Variants in PARVA observed in about 807,000 individuals in gnomAD.
The protein encoded by PARVA is parvin alpha, also known as alpha-parvin.
Under a neutral mutation model 52.6 loss-of-function variants are expected in PARVA, and 25 were observed. The ratio of observed to expected loss-of-function variants is 0.48; its 90% CI spans 0.35 to 0.66. The LOEUF (loss-of-function observed/expected upper bound fraction) is 0.66, where lower values mean the gene tolerates loss of function less well. Ranked by LOEUF, PARVA falls within the 30% of genes least tolerant of loss-of-function variation. The probability of loss-of-function intolerance (pLI) is 0.01; values close to 1 mark genes in which losing one functional copy is unlikely to be tolerated. For missense variants in PARVA, 373 were observed against 450.9 expected, an observed-to-expected ratio of 0.83 and a Z score of 1.56; for synonymous variants, 185 against 179.1, an observed-to-expected ratio of 1.03 and a Z score of -0.26.
chr11:12,495,151 T>G (rs1283086146), intron 4 of PARVA, among the ~76,000 whole-genome samples: 3 of 152,206 alleles, frequency 2.0e-5, no homozygotes, highest in African/African-American at 7.2e-5. Flanking sequence ...TTAGATTTAT[T>G]CTTGTTAAAT....
rs901008651 is a variant in PARVA at position 12,455,974 on chromosome 11, A to T, written c.137-17771A>T. 3.9e-5 allele frequency among the ~76,000 whole-genome samples: 6 copies of T among 152,174 alleles called. No homozygotes were observed. In the East Asian group the frequency reaches 1.2e-3, roughly 29 times the overall value. ...TCCAAAATGTCCTTCAATGTCATGA[A>T]GCATTGTGTGGGGCTTTTCTAGTCC... On this transcript the variant is annotated intron_variant, in intron 1 of 12. Transcript: ENST00000334956.
At chr11:12,454,100 A>G (rs1412325113) in intron 1 of PARVA, among the ~76,000 whole-genome samples, 1 of 152,222 alleles carries the variant, frequency 6.6e-6, no homozygotes, top group Non-Finnish European at 1.5e-5. Flanking sequence ...AGGGATCCAG[A>G]GGTCACAAGC....
intron 1 of PARVA, among the ~76,000 whole-genome samples, chr11:12,472,628 T>C (rs1005278177): frequency 6.6e-6 from 1 of 152,194 alleles, no homozygotes; most frequent in Non-Finnish European, 1.5e-5. Context: ...TGTAAGTGGC[T>C]GCCTTGTGCT....
At chr11:12,451,275 G>C (rs1385418067) in intron 1 of PARVA, among the ~76,000 whole-genome samples, 1 of 152,158 alleles carries the variant, frequency 6.6e-6, no homozygotes, top group South Asian at 2.1e-4. Context: ...AAAACAAGGA[G>C]AGCATCTCAT....
chr11:12,514,696 A>G (rs1346181320), intron 10 of PARVA, among the ~76,000 whole-genome samples: 1 of 152,186 alleles, frequency 6.6e-6, no homozygotes, highest in Non-Finnish European at 1.5e-5. Flanking sequence ...CATGTTGGTC[A>G]GGCTGGTCTC....
At chr11:12,476,110 G>A (rs572313520) in intron 3 of PARVA, among the ~76,000 whole-genome samples, 1 of 152,238 alleles carries the variant, frequency 6.6e-6, no homozygotes, top group Admixed American at 6.5e-5. Context: ...GGTCAGAATG[G>A]GCTCCAAATG....
intron 12 of PARVA, among the ~76,000 whole-genome samples, chr11:12,526,122 C>T (rs911131302): frequency 1.3e-5 from 2 of 152,136 alleles, no homozygotes; most frequent in African/African-American, 4.8e-5. Flanking sequence ...GTACAATGTG[C>T]AGTACTTGGG....
chr11:12,518,601 A>T, intron 12 of PARVA, 84 bp downstream of exon 12: 1 of 1,015,128 alleles, frequency 9.9e-7, no homozygotes, highest in South Asian at 1.4e-5. Context: ...AGCAGAGGGA[A>T]GCATTTTCTG....
At chr11:12,450,862 A>G (rs1490959062) in intron 1 of PARVA, among the ~76,000 whole-genome samples, 1 of 152,232 alleles carries the variant, frequency 6.6e-6, no homozygotes, top group Non-Finnish European at 1.5e-5. Context: ...ATCTTCTCCT[A>G]CCTGCTTTAT....
At chr11:12,385,142 C>T (rs1243536606) in intron 1 of PARVA, among the ~76,000 whole-genome samples, 1 of 152,046 alleles carries the variant, frequency 6.6e-6, no homozygotes, top group African/African-American at 2.4e-5. Context: ...TCAAGACCAG[C>T]CTGGGCAACA....
At chr11:12,383,063 ATCTT>A (rs1411050558) in intron 1 of PARVA, among the ~76,000 whole-genome samples, 1 of 152,154 alleles carries the variant, frequency 6.6e-6, no homozygotes, top group Non-Finnish European at 1.5e-5. Context: ...GAGTTAAGGG[ATCTT>A]TCTTTGCAAG....
At chr11:12,440,113 G>GAAC (rs1396502553) in intron 1 of PARVA, among the ~76,000 whole-genome samples, 22 of 152,214 alleles carry the variant, frequency 1.4e-4, no homozygotes, top group African/African-American at 5.3e-4. Flanking sequence ...CCAGCACCTG[G>GAAC]AACAATTCTT....
intron 1 of PARVA, among the ~76,000 whole-genome samples, chr11:12,459,021 C>T (rs1940737620): frequency 6.6e-6 from 1 of 152,178 alleles, no homozygotes; most frequent in African/African-American, 2.4e-5. Flanking sequence ...CAAACTAAGA[C>T]ATTGGAGAAA....
At chr11:12,382,241 C>A (rs944170840) in intron 1 of PARVA, among the ~76,000 whole-genome samples, 3 of 152,102 alleles carry the variant, frequency 2.0e-5, no homozygotes, top group Non-Finnish European at 4.4e-5. Flanking sequence ...ACGCACAGTT[C>A]TTGTGTGTAT....
At chr11:12,444,311 G>A (rs1299963178) in intron 1 of PARVA, among the ~76,000 whole-genome samples, 1 of 152,168 alleles carries the variant, frequency 6.6e-6, no homozygotes, top group Non-Finnish European at 1.5e-5. Flanking sequence ...GGACCCAGAA[G>A]AAATGGATAG....
At position 12,534,060 on chromosome 11, in the gene PARVA, C is replaced by CG. The variant is rs1941806774; in HGVS notation, c.*6135_*6136insG. ...GTGCGTGCCTGTAATCCCAGCTACT[C>CG]AGGGGGCTGAGGCAGAAGTATTGCT... On this transcript the variant is annotated 3_prime_UTR_variant, in exon 13 of 13. Transcript: ENST00000334956. Among the ~76,000 whole-genome samples the CG allele has an allele frequency of 6.6e-6, 1 of 151,996 alleles. No homozygotes were observed. Among genetic ancestry groups the CG allele is most frequent in the Non-Finnish European group, 1.5e-5 (1 of 67,974 alleles).
intron 1 of PARVA, among the ~76,000 whole-genome samples, chr11:12,393,984 T>C (rs1035292213): frequency 4.6e-5 from 7 of 152,238 alleles, no homozygotes; most frequent in African/African-American, 1.7e-4. Context: ...GTTGAAGTCA[T>C]TGCCTTTTAG....
chr11:12,395,467 C>T (rs1939728701), intron 1 of PARVA, among the ~76,000 whole-genome samples: 1 of 152,234 alleles, frequency 6.6e-6, no homozygotes, highest in African/African-American at 2.4e-5. Context: ...TGAAGATGAG[C>T]GCCGGAGCCT....
chr11:12,522,771 A>G (rs1046041883), intron 12 of PARVA, among the ~76,000 whole-genome samples: 1 of 131,562 alleles, frequency 7.6e-6, no homozygotes, highest in Non-Finnish European at 1.6e-5. Context: ...AATTATAGCT[A>G]TACCTCAGTA....
Sources: gnomAD v4.1 joint callset for allele counts (sites outside exome capture counted in the v4.1 genomes callset) on GRCh38, gnomAD v4.1.1 for gene constraint, MANE v1.5 for transcripts, NCBI Gene and HGNC (gene_info 2026-07-23, HGNC 2026-07-21) for gene names.